The following ABCC10 variants were observed in gnomAD, a reference collection of about 807,000 sequenced individuals.
ABCC10 encodes ATP binding cassette subfamily C member 10.
In ABCC10, 110 loss-of-function variants were observed where a neutral mutation model predicts 143.2. That is an observed-to-expected ratio of 0.77 (90% CI 0.66 to 0.90). The LOEUF (loss-of-function observed/expected upper bound fraction) is 0.90, where lower values mean the gene tolerates loss of function less well. Among genes scored for constraint, ABCC10 ranks in the 40% least tolerant of loss-of-function variants. The pLI is 0.00. For synonymous variants in ABCC10, 805 were observed against 846.7 expected (o/e 0.95, Z 0.85); for missense variants, 1,700 against 1,900.5 (o/e 0.89, Z 1.96).
chr6:43,428,035 G>A lies in ABCC10; in HGVS notation c.57G>A (p.Leu19=), dbSNP rs1780689225. The A allele has an allele frequency of 2.5e-6, 4 of 1,604,870 alleles. No individual in the cohort carries two copies. The highest frequency in any genetic ancestry group is 3.4e-6 in the Non-Finnish European group (4 of 1,176,622). The change falls in exon 2 of 22, where the codon CTG becomes CTA. Residue 19 remains leucine (L), a synonymous_variant. Coordinates refer to ENST00000372530, the MANE Select transcript of ABCC10 (RefSeq NM_001198934.2). The part of the protein sequence containing the change: ...CGSSAAWPLP[L]WEGDTTGHCF... ...GCAGCGCAGCGTGGCCGCTCCCGCT[G>A]TGGGAGGGGGACACCACAGGCCACT...
In ABCC10 at chr6:43,450,154, G is replaced by T. The variant is rs1032035426; in HGVS notation, c.*63G>T. The T allele has an allele frequency of 2.0e-6, 3 of 1,503,410 alleles. No homozygotes were observed. The African/African-American group carries it at 4.2e-5, about 21-fold the overall frequency. The allele number at this position is 1,503,410 out of a possible 1,614,324, so 93.1% of individuals were successfully genotyped here. A position where few individuals can be genotyped will look rare whatever the true frequency, so the allele number is the denominator to read the frequency against. On this transcript the variant is annotated 3_prime_UTR_variant, in exon 22 of 22. Coordinates refer to ENST00000372530, the MANE Select transcript of ABCC10 (RefSeq NM_001198934.2). The surrounding 1 kb of genome is among the most constrained non-coding windows in gnomAD (Gnocchi z 4.5). ...TGATCCAGGCCGGGCCTATACAGAG[G>T]TGCTGGCTGCTTGTTTACATTCTCC...
chr6:43,443,211 G>T lies in ABCC10; in HGVS notation c.2416+52G>T, dbSNP rs752548080. On this transcript the variant is annotated intron_variant, in intron 10 of 21. Coordinates refer to ENST00000372530, the MANE Select transcript of ABCC10 (RefSeq NM_001198934.2). The surrounding 1 kb of genome is among the most constrained non-coding windows in gnomAD (Gnocchi z 4.2). ...GGGAGGTGTCTGCCCAGGTCTGGCAGGGGATTGTGAAGTACAGACTCTGCC... is the reference window on the plus strand; with the variant it reads ...GGGAGGTGTCTGCCCAGGTCTGGCATGGGATTGTGAAGTACAGACTCTGCC... The T allele has an allele frequency of 2.5e-5, 38 of 1,516,108 alleles. No homozygotes were observed. The highest frequency in any genetic ancestry group is 3.1e-5 in the Non-Finnish European group (35 of 1,137,816). The allele number at this position is 1,516,108 out of a possible 1,614,324, so 93.9% of individuals were successfully genotyped here.
rs767034557 is a variant in ABCC10 at position 43,445,595 on chromosome 6, C to G, written c.3031-4C>G. Reference sequence around the variant, plus strand: ...CCCTGGCCCAATCAGCGTCCTTCTCCCAGGCACCAGTGACTTTCTTCAATG... The same window carrying G: ...CCCTGGCCCAATCAGCGTCCTTCTCGCAGGCACCAGTGACTTTCTTCAATG... On this transcript the variant is annotated splice_polypyrimidine_tract_variant and splice_region_variant and intron_variant, in intron 14 of 21. Transcript: ENST00000372530. 6.2e-7 allele frequency: 1 copy of G among 1,608,282 alleles called. No individual in the cohort carries two copies. Among genetic ancestry groups the G allele is most frequent in the East Asian group, 2.2e-5 (1 of 44,742 alleles).
Position 43,443,487 on chromosome 6 carries a change from T to A in ABCC10, c.2416+328T>A. The A allele has an allele frequency of 3.2e-6, 1 of 308,986 alleles. No homozygotes were observed. The allele number at this position is 308,986 out of a possible 1,614,324, so 19.1% of individuals were successfully genotyped here. A position where few individuals can be genotyped will look rare whatever the true frequency, so the allele number is the denominator to read the frequency against. On this transcript the variant is annotated intron_variant, in intron 10 of 21. Transcript: ENST00000372530. The surrounding 1 kb of genome is among the most constrained non-coding windows in gnomAD (Gnocchi z 4.2). ...GTCTTTTTGTAAAAACAAAAATTTT[T>A]AAACTCTGAAAGATTTTTATGCAGA...
intron 8 of ABCC10, among the ~76,000 whole-genome samples, chr6:43,440,938 A>G (rs1361677453): frequency 1.3e-5 from 2 of 151,240 alleles, no homozygotes; most frequent in African/African-American, 4.9e-5. Flanking sequence ...AAACAAACAA[A>G]CAAAAAAAAC....
intron 9 of ABCC10, among the ~76,000 whole-genome samples, chr6:43,442,244 A>C (rs1420825897): frequency 6.6e-6 from 1 of 152,148 alleles, no homozygotes; most frequent in Non-Finnish European, 1.5e-5. Context: ...CAGGAGTTTA[A>C]GATCAGCCTG....
At chr6:43,447,639 C>G in intron 17 of ABCC10, 45 bp from the exon 18 acceptor site, 1 of 1,609,582 alleles carries the variant, frequency 6.2e-7, no homozygotes, top group Non-Finnish European at 8.5e-7. Context: ...CTCATCTCCC[C>G]TATCTCCCTT....
intron 6 of ABCC10, 40 bp downstream of exon 6, chr6:43,436,287 C>T (rs770665658): frequency 1.8e-5 from 29 of 1,598,016 alleles, no homozygotes; most frequent in African/African-American, 5.4e-5. Flanking sequence ...CTCAGACTAA[C>T]GAGAGAGATG....
Position 43,437,963 on chromosome 6 carries a change from C to T in ABCC10, c.1905C>T (p.Val635=), listed in dbSNP as rs769401159. ...KGMLVGIVGK[V]GCGKSSLLAA... The stretch of plus-strand genomic sequence containing the variant: ...TGCTGGTGGGCATCGTGGGGAAGGT[C>T]GGCTGTGGGAAGAGCTCCCTGCTGG... Residue 635 remains valine (V), a synonymous_variant, in exon 7 of 22, where the codon GTC becomes GTT. Transcript: ENST00000372530. 4.1e-5 allele frequency: 66 copies of T among 1,613,110 alleles called. No individual in the cohort carries two copies. The Middle Eastern group carries it at 1.2e-3, about 28-fold the overall frequency.
intron 6 of ABCC10, 151 bp downstream of exon 6, chr6:43,436,398 AT>A (rs1340918928): frequency 2.1e-6 from 2 of 958,332 alleles, no homozygotes; most frequent in African/African-American, 1.7e-5. Context: ...GCAGGTTCTA[AT>A]CATGAGGAGA....
chr6:43,436,109 A>G (rs765844148), intron 5 of ABCC10, 29 bp from the exon 6 acceptor site: 57 of 1,613,842 alleles, frequency 3.5e-5, no homozygotes, highest in Middle Eastern at 3.3e-4. Flanking sequence ...GTAGATTAGG[A>G]GCCCAAATCA....
chr6:43,429,337 TTTTCCTTCTTTCTTTTC>T (rs1282254698), intron 2 of ABCC10, among the ~76,000 whole-genome samples: 1 of 150,586 alleles, frequency 6.6e-6, no homozygotes, highest in Non-Finnish European at 1.5e-5. Flanking sequence ...TATTTTTTTC[TTTTCCTTCTTTCTTTTC>T]TTTCTTTCTT....
chr6:43,450,167 G>A lies in ABCC10; in HGVS notation c.*76G>A. 2 of 1,469,882 alleles carry A rather than the reference G, an allele frequency of 1.4e-6. No individual in the cohort carries two copies. The highest frequency in any genetic ancestry group is 1.4e-5 in the African/African-American group (1 of 70,772). The allele number at this position is 1,469,882 out of a possible 1,614,324, so 91.1% of individuals were successfully genotyped here. A position where few individuals can be genotyped will look rare whatever the true frequency, so the allele number is the denominator to read the frequency against. On this transcript the variant is annotated 3_prime_UTR_variant, in exon 22 of 22. Transcript: ENST00000372530. This position sits in a 1 kb window ranked among gnomAD's most constrained non-coding sequence, Gnocchi z 4.5. The stretch of plus-strand genomic sequence containing the variant: ...GCCTATACAGAGGTGCTGGCTGCTT[G>A]TTTACATTCTCCTCTGGGGCTCTAC...
At position 43,446,393 on chromosome 6, in the gene ABCC10, G is replaced by T; in HGVS notation, c.3491G>T (p.Ser1164Ile). ...RLQLMGAAVV[S>I]AIAGIALVQH... ...CAGCTCATGGGGGCGGCAGTGGTCA[G>T]CGCTATCGCAGGCATCGCTCTGGTG... The change falls in exon 16 of 22, where the codon AGC becomes ATC. Residue 1164 changes from serine (S) to isoleucine (I), a missense_variant. Transcript: ENST00000372530. The T allele has an allele frequency of 6.2e-7, 1 of 1,613,148 alleles. No individual in the cohort carries two copies. Among genetic ancestry groups the T allele is most frequent in the Non-Finnish European group, 8.5e-7 (1 of 1,179,898 alleles).
rs138641615 is a variant in ABCC10, at chr6:43,445,704, C to T, written c.3136C>T (p.Leu1046Phe). The change falls in exon 15 of 22, where the codon CTC becomes TTC. Residue 1046 changes from leucine (L) to phenylalanine (F), a missense_variant. Leu to Phe is a conservative substitution (Grantham distance 22). Coordinates refer to ENST00000372530, the MANE Select transcript of ABCC10 (RefSeq NM_001198934.2). ...DDSLPFILNILLANAAGLLGL... is the reference protein window; with the variant it reads ...DDSLPFILNIFLANAAGLLGL... ...CAGCCTGCCCTTCATCCTCAACATC[C>T]TCCTGGCCAACGCGGCAGGCCTGCT... 2,233 of 1,614,230 alleles carry T rather than the reference C, an allele frequency of 1.4e-3. 7 individuals are homozygous for T. The highest frequency in any genetic ancestry group is 1.7e-3 in the Non-Finnish European group (2,006 of 1,180,046).
Position 43,443,746 on chromosome 6 carries a change from G to T in ABCC10, c.2417-187G>T. ...ACTTGAGTCCTGCTCGAGGTCTAGGGGTATCCAGAGCAGGGTGGGTTAGAG... is the reference window on the plus strand; with the variant it reads ...ACTTGAGTCCTGCTCGAGGTCTAGGTGTATCCAGAGCAGGGTGGGTTAGAG... On this transcript the variant is annotated intron_variant, in intron 10 of 21. Coordinates refer to ENST00000372530, the MANE Select transcript of ABCC10 (RefSeq NM_001198934.2). The surrounding 1 kb of genome is among the most constrained non-coding windows in gnomAD (Gnocchi z 4.2). The T allele has an allele frequency of 3.3e-6, 2 of 605,506 alleles. No homozygotes were observed. Among genetic ancestry groups the T allele is most frequent in the South Asian group, 3.8e-5 (2 of 51,974 alleles). The allele number at this position is 605,506 out of a possible 1,614,324, so 37.5% of individuals were successfully genotyped here.
chr6:43,435,212 A>G (rs1781558786), intron 4 of ABCC10: 2 of 208,880 alleles, frequency 9.6e-6, no homozygotes, highest in Non-Finnish European at 1.9e-5. Flanking sequence ...AAAAGACTCA[A>G]AATGAGCTAG....
At position 43,447,905 on chromosome 6, in the gene ABCC10, G is replaced by A. The variant is rs765276941; in HGVS notation, c.3927G>A (p.Val1309=). The part of the protein sequence containing the change: ...PSSGRVLLDG[V]DTSQLELAQL... ...CAGGGCGAGTGCTGCTGGACGGCGTGGACACCAGCCAGCTGGAGCTGGCCC... is the reference window on the plus strand; with the variant it reads ...CAGGGCGAGTGCTGCTGGACGGCGTAGACACCAGCCAGCTGGAGCTGGCCC... The change falls in exon 18 of 22, where the codon GTG becomes GTA. Residue 1309 remains valine, a synonymous_variant. Transcript: ENST00000372530. The A allele has an allele frequency of 3.7e-6, 6 of 1,613,578 alleles. No individual in the cohort carries two copies. Among genetic ancestry groups the A allele is most frequent in the African/African-American group, 1.3e-5 (1 of 74,926 alleles).
intron 8 of ABCC10, 98 bp from the exon 9 acceptor site, chr6:43,441,764 C>T: frequency 1.0e-6 from 1 of 955,896 alleles, no homozygotes; most frequent in South Asian, 1.6e-5. Context: ...CTCAAGCTCC[C>T]TACTTCTCTT....
Sources: allele counts gnomAD v4.1 joint callset (sites outside exome capture counted in the v4.1 genomes callset), GRCh38; gene constraint gnomAD v4.1.1; non-coding constraint Gnocchi (gnomAD v3.1); transcripts MANE v1.5; gene names NCBI Gene and HGNC (gene_info 2026-07-23, HGNC 2026-07-21).